UBE2V2: variants seen among roughly 807,000 people sequenced by gnomAD.
The protein encoded by UBE2V2 is ubiquitin-conjugating enzyme E2 variant 2.
In UBE2V2, 9 loss-of-function variants were observed where a neutral mutation model predicts 17.2. The ratio of observed to expected loss-of-function variants is 0.52; its 90% confidence interval spans 0.32 to 0.91. The LOEUF is 0.91. UBE2V2 is among the 40% of genes least tolerant of loss of function. UBE2V2 has a pLI of 0.04. For synonymous variants in UBE2V2, 61 were observed against 57.5 expected (o/e 1.06, Z -0.28); for missense variants, 133 against 182.6 (o/e 0.73, Z 1.56).
intron 1 of UBE2V2, among the ~76,000 whole-genome samples, chr8:48,027,840 A>G (rs908215915): frequency 3.3e-5 from 5 of 151,928 alleles, no homozygotes; most frequent in Non-Finnish European, 7.4e-5. Flanking sequence ...AGAAATGTCT[A>G]TTCAGATTCT....
chr8:48,058,249 A>T (rs1384413595), intron 3 of UBE2V2, among the ~76,000 whole-genome samples: 3 of 151,960 alleles, frequency 2.0e-5, no homozygotes, highest in Non-Finnish European at 4.4e-5. Flanking sequence ...CGGGTGGATC[A>T]TGAGGTCAGG....
Position 48,056,015 on chromosome 8 carries a change from C to T in UBE2V2, c.292-4667C>T, listed in dbSNP as rs2154508140. Among the ~76,000 whole-genome samples the T allele has an allele frequency of 2.0e-5, 3 of 152,252 alleles. 1 individual carries two copies. The South Asian group carries it at 6.2e-4, about 32-fold the overall frequency. ...CCTTGTGATCTGCCCTCCTCAGCCTCCCAAAGTGCTGGGATTACAGGCGTG... is the reference window on the plus strand; with the variant it reads ...CCTTGTGATCTGCCCTCCTCAGCCTTCCAAAGTGCTGGGATTACAGGCGTG... On this transcript the variant is annotated intron_variant, in intron 3 of 3. Transcript: ENST00000523111.
intron 1 of UBE2V2, among the ~76,000 whole-genome samples, chr8:48,026,648 A>G (rs1365958619): frequency 2.6e-5 from 4 of 152,084 alleles, no homozygotes; most frequent in Middle Eastern, 3.2e-3. Flanking sequence ...CTGTACTTTC[A>G]TATGTGTAGA....
intron 1 of UBE2V2, among the ~76,000 whole-genome samples, chr8:48,040,684 G>T (rs987995848): frequency 6.6e-6 from 1 of 151,870 alleles, no homozygotes; most frequent in Non-Finnish European, 1.5e-5. Context: ...TCCCGGGCAG[G>T]GGCTTGATCT....
chr8:48,059,214 C>T lies in UBE2V2; in HGVS notation c.292-1468C>T, dbSNP rs561449933. ...CCTCCCAAAGTGCTAGGATTACAGG[C>T]GTGAGCCACCATTCCCAGCCTGTAT... On this transcript the variant is annotated intron_variant, in intron 3 of 3. Transcript: ENST00000523111. 5.9e-5 allele frequency among the ~76,000 whole-genome samples: 9 copies of T among 152,092 alleles called. No homozygotes were observed. In the East Asian group the frequency reaches 7.7e-4, roughly 13 times the overall value.
the UBE2V2 span, among the ~76,000 whole-genome samples, chr8:48,001,636 G>T: frequency 6.6e-6 from 1 of 152,044 alleles, no homozygotes; most frequent in South Asian, 2.1e-4. Flanking sequence ...ATGAAAGTGT[G>T]GTAGCTTTGA....
intron 3 of UBE2V2, among the ~76,000 whole-genome samples, chr8:48,058,730 C>G (rs892790868): frequency 6.6e-5 from 10 of 151,946 alleles, no homozygotes; most frequent in Non-Finnish European, 1.0e-4. Context: ...TAGTTTCCTT[C>G]TATTCCTAAT....
intron 2 of UBE2V2, among the ~76,000 whole-genome samples, chr8:48,047,736 C>T (rs1045030430): frequency 2.6e-4 from 39 of 151,722 alleles, no homozygotes; most frequent in Admixed American, 2.2e-3. Flanking sequence ...TTAATAGAGA[C>T]GGGGTTTCAC....
At chr8:48,035,981 C>T (rs1226524413) in intron 1 of UBE2V2, among the ~76,000 whole-genome samples, 1 of 138,112 alleles carries the variant, frequency 7.2e-6, no homozygotes, top group African/African-American at 2.7e-5. Flanking sequence ...GACCGAATCT[C>T]ACTCTGTCAC....
At chr8:48,058,292 CCCT>C (rs2091586220) in intron 3 of UBE2V2, among the ~76,000 whole-genome samples, 1 of 151,812 alleles carries the variant, frequency 6.6e-6, no homozygotes, top group Non-Finnish European at 1.5e-5. Flanking sequence ...CATAGTGAAA[CCCT>C]GTGTCTACTA....
At chr8:48,016,416 C>T (rs978465481) in intron 1 of UBE2V2, among the ~76,000 whole-genome samples, 26 of 152,080 alleles carry the variant, frequency 1.7e-4, no homozygotes, top group Admixed American at 6.6e-5. Flanking sequence ...TGTACTAATT[C>T]ACATTCCCAC....
intron 1 of UBE2V2, among the ~76,000 whole-genome samples, chr8:48,038,050 C>G (rs945429670): frequency 6.6e-6 from 1 of 152,222 alleles, no homozygotes; most frequent in African/African-American, 2.4e-5. Flanking sequence ...CATTCTCTCT[C>G]TCTTTTGTAA....
chr8:48,029,770 A>G (rs995037616), intron 1 of UBE2V2, among the ~76,000 whole-genome samples: 7 of 152,118 alleles, frequency 4.6e-5, no homozygotes, highest in Non-Finnish European at 7.4e-5. Context: ...GAAGTCTTTA[A>G]TTTTCTCAAG....
rs1490649101 is a variant in UBE2V2 at position 48,061,875 on chromosome 8, TC to T, written c.*1050del. 1 of 152,192 alleles carries T rather than the reference TC, an allele frequency of 6.6e-6. No homozygotes were observed. Among genetic ancestry groups the T allele is most frequent in the Non-Finnish European group, 1.5e-5 (1 of 68,026 alleles). The allele number at this position is 152,192 out of a possible 1,614,324, so 9.4% of individuals were successfully genotyped here. A position where few individuals can be genotyped will look rare whatever the true frequency, so the allele number is the denominator to read the frequency against. On this transcript the variant is annotated 3_prime_UTR_variant, in exon 4 of 4. Transcript: ENST00000523111. Reference sequence around the variant, plus strand: ...AGGTTGCAAATTATCCAAATATATATCCCATTTTTTAAAGCATAATATCTTT... The same window carrying T: ...AGGTTGCAAATTATCCAAATATATATCCATTTTTTAAAGCATAATATCTTT...
At chr8:48,060,209 C>CA (rs557515958) in intron 3 of UBE2V2, among the ~76,000 whole-genome samples, 4,123 of 40,570 alleles carry the variant, frequency 0.1, 194 homozygotes, top group Non-Finnish European at 0.17. Flanking sequence ...GACTCTGTCT[C>CA]AAAAAAAAAA....
At chr8:48,014,255 A>ATACCC (rs1450209591) in intron 1 of UBE2V2, among the ~76,000 whole-genome samples, 8 of 152,200 alleles carry the variant, frequency 5.3e-5, no homozygotes, top group African/African-American at 1.9e-4. Context: ...GGCCATGCAA[A>ATACCC]AAACTACCCA....
intron 2 of UBE2V2, among the ~76,000 whole-genome samples, chr8:48,046,747 C>T (rs537954738): frequency 9.9e-5 from 15 of 152,114 alleles, no homozygotes; most frequent in African/African-American, 3.4e-4. Flanking sequence ...TAGGGGTACA[C>T]CACCATACCT....
intron 1 of UBE2V2, among the ~76,000 whole-genome samples, chr8:48,027,210 G>A (rs1203990083): frequency 6.6e-6 from 1 of 152,058 alleles, no homozygotes; most frequent in Non-Finnish European, 1.5e-5. Flanking sequence ...CAAGTTGGCC[G>A]GGCTGGTCTT....
the UBE2V2 span, among the ~76,000 whole-genome samples, chr8:48,002,007 T>C: frequency 6.6e-6 from 1 of 152,000 alleles, no homozygotes; most frequent in African/African-American, 2.4e-5. Flanking sequence ...GAGAATCGCT[T>C]GAACCCAGGA....
Sources: allele counts gnomAD v4.1 joint callset (sites outside exome capture counted in the v4.1 genomes callset), GRCh38; gene constraint gnomAD v4.1.1; transcripts MANE v1.5; gene names NCBI Gene and HGNC (gene_info 2026-07-23, HGNC 2026-07-21).